NSUN2: variants seen among roughly 807,000 people sequenced by gnomAD.
NSUN2 encodes the protein NOP2/Sun RNA methyltransferase 2.
In NSUN2, 63 loss-of-function variants were observed where a neutral mutation model predicts 92.7. That is an observed-to-expected ratio of 0.68 (90% CI 0.56 to 0.84). The LOEUF (loss-of-function observed/expected upper bound fraction) is 0.84. Ranked by LOEUF, NSUN2 falls within the 40% of genes least tolerant of loss-of-function variation. NSUN2 has a pLI of 0.00. For missense variants in NSUN2, 989 were observed against 964.9 expected, an observed-to-expected ratio of 1.02 and a Z score of -0.33; for synonymous variants, 356 against 348.3, an observed-to-expected ratio of 1.02 and a Z score of -0.25.
In NSUN2 at chr5:6,609,790, C is replaced by T. The variant is rs1414042143; in HGVS notation, c.1323+36G>A. On this transcript the variant is annotated intron_variant, in intron 12 of 18. Coordinates refer to ENST00000264670, the MANE Select transcript of NSUN2 (RefSeq NM_017755.6). ...AGTTTTTGTCTTAAATGTACAAGAT[C>T]AAATGTTATGTCATTTTGGAAAAAG... The T allele has an allele frequency of 2.6e-6, 4 of 1,519,990 alleles. No individual in the cohort carries two copies. In the African/African-American group the frequency reaches 4.1e-5, roughly 16 times the overall value. 94.2% of individuals were successfully genotyped at this position (1,519,990 alleles called of 1,614,324 possible). A position where few individuals can be genotyped will look rare whatever the true frequency, so the allele number is the denominator to read the frequency against.
chr5:6,606,444 C>T (rs1304113641), intron 14 of NSUN2, among the ~76,000 whole-genome samples: 3 of 152,076 alleles, frequency 2.0e-5, no homozygotes, highest in Admixed American at 6.6e-5. Context: ...CCACCACGCC[C>T]GGCTAATTTT....
At chr5:6,630,944 A>G (rs1737860148) in intron 3 of NSUN2, among the ~76,000 whole-genome samples, 1 of 152,208 alleles carries the variant, frequency 6.6e-6, no homozygotes, top group Non-Finnish European at 1.5e-5. Flanking sequence ...ATACAAAAAA[A>G]TTGGCCGGGC....
chr5:6,623,401 A>T, intron 4 of NSUN2, 116 bp from the exon 5 acceptor site: 2 of 807,906 alleles, frequency 2.5e-6, no homozygotes, highest in Non-Finnish European at 3.8e-6. Context: ...TCTTATACAG[A>T]ATGAGAGAAC....
intron 16 of NSUN2, 144 bp from the exon 17 acceptor site, chr5:6,604,420 A>ACC: frequency 1.2e-6 from 1 of 864,852 alleles, no homozygotes. Context: ...TGTGGAACCC[A>ACC]CCCCCCCCTA....
At chr5:6,611,632 C>T in intron 10 of NSUN2, 93 bp downstream of exon 10, 1 of 944,392 alleles carries the variant, frequency 1.1e-6, no homozygotes, top group Non-Finnish European at 1.7e-6. Context: ...AGTATTTATT[C>T]AAGTTACTCA....
intron 12 of NSUN2, among the ~76,000 whole-genome samples, chr5:6,609,164 C>T (rs372048935): frequency 2.9e-4 from 44 of 152,300 alleles, no homozygotes; most frequent in African/African-American, 1.0e-3. Context: ...ATACAGACTT[C>T]CAGACTTTGA....
chr5:6,611,440 GC>G (rs1736984006), intron 10 of NSUN2, among the ~76,000 whole-genome samples: 1 of 41,892 alleles, frequency 2.4e-5, no homozygotes, highest in South Asian at 6.7e-4. Flanking sequence ...TTGAATCCCG[GC>G]CCAATTTAAA....
intron 9 of NSUN2, 45 bp from the exon 10 acceptor site, chr5:6,611,843 T>C: frequency 6.7e-7 from 1 of 1,490,134 alleles, no homozygotes; most frequent in Non-Finnish European, 9.4e-7. Context: ...CAAAAAAGTA[T>C]TAACACACTA....
chr5:6,629,756 C>A (rs185776329), intron 3 of NSUN2, among the ~76,000 whole-genome samples: 22 of 152,226 alleles, frequency 1.4e-4, no homozygotes, highest in African/African-American at 4.8e-4. Context: ...ATAATTAAAT[C>A]CCCGGGCCGT....
At chr5:6,608,240 C>T (rs149833925) in intron 12 of NSUN2, among the ~76,000 whole-genome samples, 1 of 152,372 alleles carries the variant, frequency 6.6e-6, no homozygotes, top group East Asian at 1.9e-4. Flanking sequence ...CACGCCCTTC[C>T]TGTCCAACCT....
chr5:6,604,356 CTCTTAGCGGCTATGG>C, intron 16 of NSUN2, 80 bp from the exon 17 acceptor site: 3 of 1,298,334 alleles, frequency 2.3e-6, no homozygotes, highest in Non-Finnish European at 3.2e-6. Context: ...AGGGGCTATG[CTCTTAGCGGCTATGG>C]TGGTCGAGCC....
intron 2 of NSUN2, 51 bp from the exon 3 acceptor site, chr5:6,632,028 C>G: frequency 7.3e-7 from 1 of 1,368,742 alleles, no homozygotes. Context: ...TAAGTTAATA[C>G]ATTGTATCTT....
rs1334334541 is a variant in NSUN2, at chr5:6,608,676, G to A, written c.1323+1150C>T. Among the ~76,000 whole-genome samples the A allele has an allele frequency of 2.0e-5, 3 of 152,342 alleles. No homozygotes were observed. In the East Asian group the frequency reaches 5.8e-4, roughly 29 times the overall value. ...GTATTAACACGTCAGAAACATCAAT[G>A]TAAGCCCTAATGCAGGCCAACCTAA... On this transcript the variant is annotated intron_variant, in intron 12 of 18. Transcript: ENST00000264670.
At chr5:6,622,727 A>G (rs545254785) in intron 5 of NSUN2, among the ~76,000 whole-genome samples, 11 of 152,042 alleles carry the variant, frequency 7.2e-5, no homozygotes, top group South Asian at 6.2e-4. Context: ...CGCACCTGTA[A>G]TCCCGGCTAC....
intron 12 of NSUN2, among the ~76,000 whole-genome samples, chr5:6,608,575 T>C (rs1274408276): frequency 1.3e-5 from 2 of 152,170 alleles, no homozygotes; most frequent in South Asian, 4.1e-4. Flanking sequence ...AACGAGAAAA[T>C]GACAATAAGT....
Position 6,612,643 on chromosome 5 carries a change from A to G in NSUN2, c.1022-845T>C, listed in dbSNP as rs188535690. 9.2e-5 allele frequency among the ~76,000 whole-genome samples: 14 copies of G among 152,350 alleles called. No individual in the cohort carries two copies. The South Asian group carries it at 2.7e-3, about 29-fold the overall frequency. On this transcript the variant is annotated intron_variant, in intron 9 of 18. Coordinates refer to ENST00000264670, the MANE Select transcript of NSUN2 (RefSeq NM_017755.6). ...ACAATTACAAAAACAAAGGAAAAGA[A>G]TCTCCAAGGTGGAGGAATGGCAGTA...
rs368579005 is a variant in NSUN2 at position 6,622,012 on chromosome 5, A to G, written c.622+4T>C. The G allele has an allele frequency of 2.3e-5, 37 of 1,612,676 alleles. No individual in the cohort carries two copies. The African/African-American group carries it at 4.9e-4, about 22-fold the overall frequency. On this transcript the variant is annotated splice_donor_region_variant and intron_variant, in intron 6 of 18. Coordinates refer to ENST00000264670, the MANE Select transcript of NSUN2 (RefSeq NM_017755.6). The stretch of plus-strand genomic sequence containing the variant: ...ACCATTTTGAACACAAGTCCAATGC[A>G]TACCTGGAAAGGGGACATTCATGTC...
chr5:6,629,445 GCA>G lies in NSUN2; in HGVS notation c.359+2426_359+2427del, dbSNP rs560402713. ...ATGCCCACATGGAGGTGCCTTAAGA[GCA>G]CACCTCTTCCCTATAGACACATGCT... On this transcript the variant is annotated intron_variant, in intron 3 of 18. Coordinates refer to ENST00000264670, the MANE Select transcript of NSUN2 (RefSeq NM_017755.6). Among the ~76,000 whole-genome samples, 47 of 152,318 alleles carry G rather than the reference GCA, an allele frequency of 3.1e-4. 1 individual carries two copies. In the South Asian group the frequency reaches 8.9e-3, roughly 29 times the overall value.
At chr5:6,610,897 A>C in intron 11 of NSUN2, 58 bp downstream of exon 11, 1 of 1,599,812 alleles carries the variant, frequency 6.3e-7, no homozygotes, top group Non-Finnish European at 8.5e-7. Context: ...TCACCAGCTC[A>C]CCAGGGATGG....
Sources: gnomAD v4.1 joint callset for allele counts (sites outside exome capture counted in the v4.1 genomes callset) on GRCh38, gnomAD v4.1.1 for gene constraint, MANE v1.5 for transcripts, NCBI Gene and HGNC (gene_info 2026-07-23, HGNC 2026-07-21) for gene names.